Variants in PDE8A observed in about 807,000 individuals in gnomAD.
PDE8A encodes the protein phosphodiesterase 8A.
PDE8A carries 59 observed loss-of-function variants against 105.0 expected under a neutral mutation model. The ratio of observed to expected loss-of-function variants is 0.56; its 90% CI spans 0.46 to 0.70. The LOEUF (loss-of-function observed/expected upper bound fraction) is 0.70. PDE8A is among the 30% of genes least tolerant of loss of function. The pLI is 0.00. For missense variants in PDE8A, 1,014 were observed against 1,045.9 expected (o/e 0.97, Z 0.42); for synonymous variants, 355 against 371.9 (o/e 0.95, Z 0.52).
intron 11 of PDE8A, among the ~76,000 whole-genome samples, chr15:85,104,455 A>G (rs2081917176): frequency 6.6e-6 from 1 of 152,146 alleles, no homozygotes; most frequent in African/African-American, 2.4e-5. Flanking sequence ...GGTAAATGGG[A>G]AAGGGTCAGG....
In PDE8A at chr15:85,126,317, A is replaced by G. The variant is rs146998277; in HGVS notation, c.2196A>G (p.Arg732=). 57 of 1,612,410 alleles carry G rather than the reference A, an allele frequency of 3.5e-5. No individual in the cohort carries two copies. In the African/African-American group the frequency reaches 7.4e-4, roughly 21 times the overall value. The part of the protein sequence containing the change: ...IKCADVSNPC[R]PLQYCIEWAA... ...GTGCTGATGTGTCCAATCCCTGCCG[A>G]CCCCTGCAGTACTGCATCGAGTGGG... The change falls in exon 20 of 22, where the codon CGA becomes CGG. Residue 732 remains arginine (R), a synonymous_variant. Transcript: ENST00000394553.
rs140054676 is a variant in PDE8A, at chr15:85,016,825, T to C, written c.186+34477T>C. Among the ~76,000 whole-genome samples, 441 of 152,296 alleles carry C rather than the reference T, an allele frequency of 2.9e-3. 3 individuals are homozygous for C. The highest frequency in any genetic ancestry group is 0.01 in the African/African-American group (416 of 41,568). On this transcript the variant is annotated intron_variant, in intron 1 of 21. Coordinates refer to ENST00000394553, the MANE Select transcript of PDE8A (RefSeq NM_002605.3). ...TTTTACTTGTTTAAATCTCTTGTGG[T>C]TTTTTGGGAGTGTTTTTATGACTCT... is the stretch of plus-strand genomic sequence containing the variant.
intron 11 of PDE8A, among the ~76,000 whole-genome samples, chr15:85,105,778 G>C (rs1373439435): frequency 6.6e-6 from 1 of 152,162 alleles, no homozygotes; most frequent in Non-Finnish European, 1.5e-5. Flanking sequence ...GGATACCTCA[G>C]GATGAGTATG....
At chr15:85,060,972 A>C (rs996251841) in intron 1 of PDE8A, among the ~76,000 whole-genome samples, 1 of 152,110 alleles carries the variant, frequency 6.6e-6, no homozygotes, top group Non-Finnish European at 1.5e-5. Flanking sequence ...CTTGCAGGGC[A>C]TATCTAGTGG....
chr15:85,030,782 A>G (rs2080601987), intron 1 of PDE8A, among the ~76,000 whole-genome samples: 2 of 152,162 alleles, frequency 1.3e-5, no homozygotes, highest in Non-Finnish European at 2.9e-5. Context: ...TTTTCCTTCA[A>G]GATTTAACCT....
In PDE8A at chr15:85,136,631, A is replaced by C; in HGVS notation, c.2351A>C (p.Tyr784Ser). Residue 784 changes from tyrosine (Y) to serine (S), a missense_variant, in exon 21 of 22, where the codon TAC (tyrosine) becomes TCC (serine). Transcript: ENST00000394553. ...AAATCCCAAATCTCTTTCATTGATT[A>C]CTTCATCACAGACATGTTTGATGCT... The part of the protein sequence containing the change: ...IPKSQISFID[Y>S]FITDMFDAWD... 6.2e-7 allele frequency: 1 copy of C among 1,613,796 alleles called. No individual in the cohort carries two copies. The highest frequency in any genetic ancestry group is 8.5e-7 in the Non-Finnish European group (1 of 1,179,836).
At chr15:85,073,792 C>T (rs1245066156) in intron 3 of PDE8A, among the ~76,000 whole-genome samples, 1 of 152,194 alleles carries the variant, frequency 6.6e-6, no homozygotes, top group Non-Finnish European at 1.5e-5. Context: ...GATGAGTGCA[C>T]TAGCTGTGTC....
intron 1 of PDE8A, among the ~76,000 whole-genome samples, chr15:85,020,259 T>C (rs1416183477): frequency 2.0e-5 from 3 of 152,074 alleles, no homozygotes; most frequent in Non-Finnish European, 4.4e-5. Context: ...TCAGTCACAG[T>C]TGTGGTTTTG....
At chr15:85,054,652 G>A (rs944809329) in intron 1 of PDE8A, among the ~76,000 whole-genome samples, 2 of 152,150 alleles carry the variant, frequency 1.3e-5, no homozygotes, top group East Asian at 1.9e-4. Context: ...CTGTGGGATC[G>A]GTGGTTATAT....
In PDE8A at chr15:85,138,559, T is replaced by C. The variant is rs555306526; in HGVS notation, c.*656T>C. ...CATATTCATTATGCATTACTTGGTATACAGACTTATTTTCATAATGCAAAT... is the reference window on the plus strand; with the variant it reads ...CATATTCATTATGCATTACTTGGTACACAGACTTATTTTCATAATGCAAAT... On this transcript the variant is annotated 3_prime_UTR_variant, in exon 22 of 22. Coordinates refer to ENST00000394553, the MANE Select transcript of PDE8A (RefSeq NM_002605.3). The C allele has an allele frequency of 6.5e-6, 1 of 152,688 alleles. No homozygotes were observed. The highest frequency in any genetic ancestry group is 1.9e-4 in the East Asian group (1 of 5,200). The allele number at this position is 152,688 out of a possible 1,614,324, so 9.5% of individuals were successfully genotyped here. A position where few individuals can be genotyped will look rare whatever the true frequency, so the allele number is the denominator to read the frequency against.
At chr15:84,999,309 T>C (rs1362622650) in intron 1 of PDE8A, among the ~76,000 whole-genome samples, 1 of 151,996 alleles carries the variant, frequency 6.6e-6, no homozygotes, top group Non-Finnish European at 1.5e-5. Context: ...TTAGTAGAGA[T>C]GGGGTTTCAC....
chr15:85,073,328 A>G (rs2081339134), intron 3 of PDE8A, among the ~76,000 whole-genome samples: 1 of 152,168 alleles, frequency 6.6e-6, no homozygotes, highest in South Asian at 2.1e-4. Context: ...GTTTCCTGAC[A>G]TTTCTGTTTT....
chr15:85,041,946 G>A (rs2080816144), intron 1 of PDE8A, among the ~76,000 whole-genome samples: 1 of 152,034 alleles, frequency 6.6e-6, no homozygotes, highest in East Asian at 1.9e-4. Context: ...TTTCTCCTCT[G>A]AAACCCCAAG....
In PDE8A at chr15:85,132,300, TCTC is replaced by T. The variant is rs1358986192; in HGVS notation, c.2254-4230_2254-4228del. Among the ~76,000 whole-genome samples the T allele has an allele frequency of 7.9e-5, 12 of 152,180 alleles. No homozygotes were observed. In the South Asian group the frequency reaches 1.9e-3, roughly 24 times the overall value. ...CTTCAAATAATCTCTGTCCTTCTCT[TCTC>T]CTCTTCTTTTTGCTGAACTCATAAG... On this transcript the variant is annotated intron_variant, in intron 20 of 21. Coordinates refer to ENST00000394553, the MANE Select transcript of PDE8A (RefSeq NM_002605.3).
In PDE8A at chr15:85,126,262, G is replaced by C. The variant is rs373904014; in HGVS notation, c.2141G>C (p.Arg714Pro). ...INTMLRTPENRTLIKRMLIKC... is the reference protein window; with the variant it reads ...INTMLRTPENPTLIKRMLIKC... ...ACTATGCTTAGGACTCCAGAGAACC[G>C]GACCCTAATCAAACGAATGCTGATT... Residue 714 changes from arginine to proline, a missense_variant, in exon 20 of 22, where the codon CGG (arginine) becomes CCG (proline). Coordinates refer to ENST00000394553, the MANE Select transcript of PDE8A (RefSeq NM_002605.3). The C allele has an allele frequency of 6.2e-7, 1 of 1,612,708 alleles. No homozygotes were observed. Among genetic ancestry groups the C allele is most frequent in the Non-Finnish European group, 8.5e-7 (1 of 1,179,294 alleles).
At chr15:85,039,649 G>A (rs1242633812) in intron 1 of PDE8A, among the ~76,000 whole-genome samples, 1 of 152,212 alleles carries the variant, frequency 6.6e-6, no homozygotes, top group African/African-American at 2.4e-5. Flanking sequence ...AGAGATGTCT[G>A]TCTGTACTCC....
chr15:85,072,809 G>T (rs1320356488), intron 3 of PDE8A, among the ~76,000 whole-genome samples: 1 of 152,146 alleles, frequency 6.6e-6, no homozygotes, highest in Non-Finnish European at 1.5e-5. Flanking sequence ...CAAGTAGCAT[G>T]CTTTTAAGAC....
In PDE8A at chr15:85,125,494, G is replaced by T. The variant is rs2082245100; in HGVS notation, c.2086-713G>T. Reference sequence around the variant, plus strand: ...CAGCATGTGGTACTGTGAGTGGAAGGCATGCTGGGACTAAAGGCAGAACTG... The same window carrying T: ...CAGCATGTGGTACTGTGAGTGGAAGTCATGCTGGGACTAAAGGCAGAACTG... On this transcript the variant is annotated intron_variant, in intron 19 of 21. Coordinates refer to ENST00000394553, the MANE Select transcript of PDE8A (RefSeq NM_002605.3). 1.3e-4 allele frequency among the ~76,000 whole-genome samples: 20 copies of T among 152,290 alleles called. 1 individual carries two copies. The South Asian group carries it at 2.5e-3, about 19-fold the overall frequency.
At chr15:85,085,606 G>T (rs976355092) in intron 6 of PDE8A, among the ~76,000 whole-genome samples, 1 of 151,676 alleles carries the variant, frequency 6.6e-6, no homozygotes, top group African/African-American at 2.4e-5. Context: ...GCTGAGACAG[G>T]AGAGGTTGCA....
Sources: allele counts gnomAD v4.1 joint callset (sites outside exome capture counted in the v4.1 genomes callset), GRCh38; gene constraint gnomAD v4.1.1; transcripts MANE v1.5; gene names NCBI Gene and HGNC (gene_info 2026-07-23, HGNC 2026-07-21).